Variants in RRAS2 observed in about 807,000 individuals in gnomAD.
The protein encoded by RRAS2 is ras-related protein R-Ras2.
RRAS2 carries 7 observed loss-of-function variants against 27.6 expected under a neutral mutation model. That is an observed-to-expected ratio of 0.25 (90% CI 0.14 to 0.48). The LOEUF (loss-of-function observed/expected upper bound fraction) is 0.48, where lower values mean the gene tolerates loss of function less well. RRAS2 is among the 20% of genes least tolerant of loss of function. The pLI, the probability that RRAS2 is intolerant of heterozygous loss-of-function variation, is 0.99. For missense variants in RRAS2, 178 were observed against 256.2 expected, an observed-to-expected ratio of 0.69 and a Z score of 2.08; for synonymous variants, 86 against 90.9, an observed-to-expected ratio of 0.95 and a Z score of 0.31.
At chr11:14,281,777 C>T (rs1849543779) in intron 4 of RRAS2, 57 bp from the exon 5 acceptor site, 1 of 1,399,978 alleles carries the variant, frequency 7.1e-7, no homozygotes. Flanking sequence ...TTTGTTCCAT[C>T]TAATCCTGGC....
intron 1 of RRAS2, among the ~76,000 whole-genome samples, chr11:14,303,144 T>C (rs1289207364): frequency 6.6e-6 from 1 of 152,236 alleles, no homozygotes; most frequent in African/African-American, 2.4e-5. Context: ...ACCCTTAAAG[T>C]GACAACAGTT....
chr11:14,342,256 A>G lies in RRAS2; in HGVS notation c.108+16507T>C, dbSNP rs138944962. ...ACTTTTATTCCAACTTAACGTTAAT[A>G]GTTCTGTAGTGAGAAGAGGATCATA... On this transcript the variant is annotated intron_variant, in intron 1 of 5. Coordinates refer to ENST00000256196, the MANE Select transcript of RRAS2 (RefSeq NM_012250.6). 2.0e-3 allele frequency among the ~76,000 whole-genome samples: 311 copies of G among 152,310 alleles called. 2 individuals carry two copies. Among genetic ancestry groups the G allele is most frequent in the African/African-American group, 7.1e-3 (294 of 41,576 alleles).
intron 1 of RRAS2, among the ~76,000 whole-genome samples, chr11:14,318,490 G>A (rs541651844): frequency 4.6e-5 from 7 of 152,056 alleles, no homozygotes; most frequent in Non-Finnish European, 7.4e-5. Context: ...GTGACAGAGA[G>A]AGAATCTGTC....
intron 1 of RRAS2, among the ~76,000 whole-genome samples, chr11:14,336,051 T>C (rs1554952520): frequency 6.6e-6 from 1 of 152,168 alleles, no homozygotes; most frequent in African/African-American, 2.4e-5. Context: ...ACTGCAGTGG[T>C]GTCAGGGAAG....
intron 1 of RRAS2, 129 bp from the exon 2 acceptor site, chr11:14,295,984 G>A (rs1405489299): frequency 4.4e-6 from 3 of 689,194 alleles, no homozygotes; most frequent in Non-Finnish European, 7.1e-6. Context: ...ACCAGCCTGG[G>A]CAACACAGCA....
intron 1 of RRAS2, among the ~76,000 whole-genome samples, chr11:14,302,686 G>A (rs781941440): frequency 5.3e-5 from 8 of 152,274 alleles, no homozygotes; most frequent in South Asian, 4.1e-4. Context: ...GATCTAATAA[G>A]GGCCACAGGT....
At chr11:14,345,723 G>C (rs1848815288) in intron 1 of RRAS2, among the ~76,000 whole-genome samples, 1 of 152,162 alleles carries the variant, frequency 6.6e-6, no homozygotes, top group African/African-American at 2.4e-5. Context: ...TCAGCCAAAA[G>C]CCCATATTTG....
intron 1 of RRAS2, among the ~76,000 whole-genome samples, chr11:14,328,632 G>A (rs1047639465): frequency 2.6e-5 from 4 of 151,128 alleles, no homozygotes; most frequent in Non-Finnish European, 4.4e-5. Flanking sequence ...ACAAAGTAAT[G>A]ACTAAAATTA....
intron 1 of RRAS2, chr11:14,341,732 A>G: frequency 2.3e-6 from 1 of 425,970 alleles, no homozygotes; most frequent in Non-Finnish European, 4.7e-6. Context: ...CAGTTAAGTC[A>G]GAGTACATTC....
intron 1 of RRAS2, among the ~76,000 whole-genome samples, 180 bp from the exon 2 acceptor site, chr11:14,296,035 T>C (rs1157874968): frequency 6.6e-6 from 1 of 151,598 alleles, no homozygotes; most frequent in Non-Finnish European, 1.5e-5. Flanking sequence ...AATTAAAAAA[T>C]TAGCCGACGT....
At chr11:14,314,759 G>C (rs1020631271) in intron 1 of RRAS2, among the ~76,000 whole-genome samples, 27 of 152,168 alleles carry the variant, frequency 1.8e-4, no homozygotes, top group Admixed American at 1.3e-3. Context: ...GTGCGATCTC[G>C]GCTCACTGCA....
At chr11:14,338,797 T>TATGG (rs1289319813) in intron 1 of RRAS2, among the ~76,000 whole-genome samples, 3 of 152,032 alleles carry the variant, frequency 2.0e-5, no homozygotes, top group African/African-American at 7.2e-5. Context: ...AAACAGTGAA[T>TATGG]ATGGGACTCA....
In RRAS2 at chr11:14,358,627, G is replaced by T; in HGVS notation, c.108+136C>A. 1.0e-6 allele frequency: 1 copy of T among 975,140 alleles called. No homozygotes were observed. The highest frequency in any genetic ancestry group is 1.8e-5 in the African/African-American group (1 of 56,836). The allele number at this position is 975,140 out of a possible 1,614,324, so 60.4% of individuals were successfully genotyped here. ...AGGGCAGGAGCGTAGTCGGCCCCGC[G>T]CCCTCCCGCCCCCTGGCCCCGGCCC... On this transcript the variant is annotated intron_variant, in intron 1 of 5. Transcript: ENST00000256196. This position sits in a 1 kb window ranked among gnomAD's most constrained non-coding sequence, Gnocchi z 5.1.
chr11:14,329,218 G>C (rs1295569791), intron 1 of RRAS2, among the ~76,000 whole-genome samples: 1 of 151,088 alleles, frequency 6.6e-6, no homozygotes, highest in Non-Finnish European at 1.5e-5. Context: ...AGGTTCAAGG[G>C]ATTCTCCTGC....
chr11:14,332,359 G>A (rs1454328454), intron 1 of RRAS2, among the ~76,000 whole-genome samples: 1 of 152,198 alleles, frequency 6.6e-6, no homozygotes, highest in Non-Finnish European at 1.5e-5. Context: ...CTACTAGCCA[G>A]GCGTGGTGGC....
intron 1 of RRAS2, among the ~76,000 whole-genome samples, chr11:14,301,957 T>C (rs1554947461): frequency 1.3e-5 from 2 of 152,094 alleles, no homozygotes; most frequent in Non-Finnish European, 2.9e-5. Context: ...CACTCCAGCC[T>C]GGGCAACAGA....
intron 1 of RRAS2, among the ~76,000 whole-genome samples, chr11:14,320,644 T>G (rs1236439101): frequency 6.6e-6 from 1 of 152,148 alleles, no homozygotes; most frequent in African/African-American, 2.4e-5. Flanking sequence ...TGCAAAAACA[T>G]TAGCTAAAAC....
At chr11:14,355,654 T>C (rs1849056085) in intron 1 of RRAS2, among the ~76,000 whole-genome samples, 1 of 152,230 alleles carries the variant, frequency 6.6e-6, no homozygotes, top group African/African-American at 2.4e-5. Context: ...GGCATTGTTT[T>C]TAAATTCTCC....
At chr11:14,341,023 C>T (rs146615407) in intron 1 of RRAS2, among the ~76,000 whole-genome samples, 5 of 152,224 alleles carry the variant, frequency 3.3e-5, no homozygotes, top group African/African-American at 1.2e-4. Context: ...GAACAATGAC[C>T]ACGGCATTTT....
Sources: allele counts gnomAD v4.1 joint callset (sites outside exome capture counted in the v4.1 genomes callset), GRCh38; gene constraint gnomAD v4.1.1; non-coding constraint Gnocchi (gnomAD v3.1); transcripts MANE v1.5; gene names NCBI Gene and HGNC (gene_info 2026-07-23, HGNC 2026-07-21).